MSH3: variants seen among roughly 807,000 people sequenced by gnomAD.
The protein encoded by MSH3 is DNA mismatch repair protein Msh3.
A neutral mutation model predicts 123.3 loss-of-function variants in MSH3; 106 were observed. The observed-to-expected ratio is 0.86, with a 90% CI of 0.73 to 1.01. MSH3 has a LOEUF of 1.01. Ranked by LOEUF, MSH3 falls within the 50% of genes least tolerant of loss-of-function variation. The probability of loss-of-function intolerance (pLI) is 0.00; values close to 1 mark genes in which losing one functional copy is unlikely to be tolerated. For missense variants in MSH3, 1,459 were observed against 1,347.6 expected (o/e 1.08, Z -1.29); for synonymous variants, 515 against 481.4 (o/e 1.07, Z -0.91).
rs751448831 is a variant in MSH3 at position 80,675,018 on chromosome 5, A to G, written c.1063A>G (p.Asn355Asp). The G allele has an allele frequency of 6.2e-7, 1 of 1,612,122 alleles. No homozygotes were observed. Among genetic ancestry groups the G allele is most frequent in the South Asian group, 1.1e-5 (1 of 91,030 alleles). Reference protein sequence around the residue: ...NPLIKLDDAVNVDEIMTDTST... With the variant: ...NPLIKLDDAVDVDEIMTDTST... ...CCTAATCAAGCTGGATGATGCTGTA[A>G]ATGTTGATGAGATAATGACTGATAC... is the stretch of plus-strand genomic sequence containing the variant. The change falls in exon 7 of 24, where the codon AAT becomes GAT. Residue 355 changes from asparagine (N) to aspartate (D), a missense_variant. By Grantham distance (23) the Asn-to-Asp change is conservative (BLOSUM62 1). Transcript: ENST00000265081.
At position 80,876,034 on chromosome 5, in the gene MSH3, C is replaced by T. The variant is rs1029654276; in HGVS notation, c.*172C>T. On this transcript the variant is annotated 3_prime_UTR_variant, in exon 24 of 24. Coordinates refer to ENST00000265081, the MANE Select transcript of MSH3 (RefSeq NM_002439.5). Reference sequence around the variant, plus strand: ...TCTGAAGACAGTCTTTTTCAAGTTTCTGTCTTCCTAACTTTTCTACGTATA... The same window carrying T: ...TCTGAAGACAGTCTTTTTCAAGTTTTTGTCTTCCTAACTTTTCTACGTATA... 2.9e-5 allele frequency: 18 copies of T among 610,508 alleles called. No homozygotes were observed. The highest frequency in any genetic ancestry group is 5.2e-5 in the Non-Finnish European group (18 of 344,108). 37.8% of individuals were successfully genotyped at this position (610,508 alleles called of 1,614,324 possible). A position where few individuals can be genotyped will look rare whatever the true frequency, so the allele number is the denominator to read the frequency against.
At chr5:80,836,171 C>G (rs949314642) in intron 20 of MSH3, among the ~76,000 whole-genome samples, 1 of 152,048 alleles carries the variant, frequency 6.6e-6, no homozygotes, top group Non-Finnish European at 1.5e-5. Context: ...AAATTTAAAT[C>G]CTTTTGCTCC....
chr5:80,774,222 T>C (rs1744261643), intron 15 of MSH3, among the ~76,000 whole-genome samples: 2 of 152,120 alleles, frequency 1.3e-5, no homozygotes, highest in South Asian at 4.1e-4. Context: ...TATAAATATA[T>C]TATGAATGTA....
In MSH3 at chr5:80,697,628, C is replaced by G. The variant is rs375471607; in HGVS notation, c.1340+18535C>G. On this transcript the variant is annotated intron_variant, in intron 8 of 23. Transcript: ENST00000265081. The stretch of plus-strand genomic sequence containing the variant: ...AAACATGTTGGAGCAATTGTAAAGG[C>G]AATGTGTGTCACATTTTCTGCCACT... Among the ~76,000 whole-genome samples, 8 of 152,046 alleles carry G rather than the reference C, an allele frequency of 5.3e-5. No individual in the cohort carries two copies. In the East Asian group the frequency reaches 1.2e-3, roughly 22 times the overall value.
intron 2 of MSH3, among the ~76,000 whole-genome samples, chr5:80,659,678 G>T (rs2112804940): frequency 6.6e-6 from 1 of 152,098 alleles, no homozygotes; most frequent in African/African-American, 2.4e-5. Context: ...TACAGCCCAG[G>T]GGTATTTAGT....
intron 10 of MSH3, among the ~76,000 whole-genome samples, chr5:80,731,085 G>T (rs926788173): frequency 6.6e-6 from 1 of 151,540 alleles, no homozygotes; most frequent in East Asian, 1.9e-4. Context: ...TGTATTTTTA[G>T]TAGAGACAGG....
intron 19 of MSH3, among the ~76,000 whole-genome samples, chr5:80,807,180 T>C (rs1744905783): frequency 1.0e-5 from 1 of 100,042 alleles, no homozygotes; most frequent in African/African-American, 4.1e-5. Context: ...GACAGAGCAA[T>C]ACCCTGTCTC....
chr5:80,667,301 T>C (rs946071413), intron 3 of MSH3, among the ~76,000 whole-genome samples: 11 of 152,182 alleles, frequency 7.2e-5, no homozygotes, highest in African/African-American at 2.4e-4. Flanking sequence ...TAATATAGAA[T>C]ACATACTATA....
At chr5:80,798,933 A>G (rs1744743923) in intron 19 of MSH3, among the ~76,000 whole-genome samples, 3 of 152,192 alleles carry the variant, frequency 2.0e-5, no homozygotes, top group South Asian at 2.1e-4. Flanking sequence ...ATCCCTTTCT[A>G]TTCAAGCACT....
chr5:80,801,002 CT>C (rs534630683), intron 19 of MSH3, among the ~76,000 whole-genome samples: 4 of 152,214 alleles, frequency 2.6e-5, no homozygotes, highest in African/African-American at 7.2e-5. Context: ...GTAGAAAGGC[CT>C]TAAGGCAGGA....
intron 20 of MSH3, among the ~76,000 whole-genome samples, chr5:80,837,492 C>T (rs894025737): frequency 5.0e-4 from 76 of 151,974 alleles, no homozygotes; most frequent in African/African-American, 1.8e-3. Flanking sequence ...GGTGGGAGTT[C>T]GCTTGAACCT....
chr5:80,736,374 GAAAA>G (rs1743507616), intron 10 of MSH3, among the ~76,000 whole-genome samples: 1 of 151,980 alleles, frequency 6.6e-6, no homozygotes, highest in Non-Finnish European at 1.5e-5. Context: ...GAAGTATAAA[GAAAA>G]AGATCAATTT....
At chr5:80,719,356 A>G (rs1278973696) in intron 8 of MSH3, among the ~76,000 whole-genome samples, 1 of 152,092 alleles carries the variant, frequency 6.6e-6, no homozygotes, top group Non-Finnish European at 1.5e-5. Flanking sequence ...AGGAAATGGT[A>G]TTTCTAAACC....
At chr5:80,805,734 A>G (rs1017533475) in intron 19 of MSH3, among the ~76,000 whole-genome samples, 1 of 151,764 alleles carries the variant, frequency 6.6e-6, no homozygotes, top group African/African-American at 2.4e-5. Flanking sequence ...AGCTGGAACT[A>G]CAGGCATGCG....
chr5:80,868,320 T>C lies in MSH3; in HGVS notation c.3130+3378T>C, dbSNP rs563181155. 2.0e-5 allele frequency among the ~76,000 whole-genome samples: 3 copies of C among 152,014 alleles called. No individual in the cohort carries two copies. In the South Asian group the frequency reaches 6.3e-4, roughly 32 times the overall value. On this transcript the variant is annotated intron_variant, in intron 22 of 23. Coordinates refer to ENST00000265081, the MANE Select transcript of MSH3 (RefSeq NM_002439.5). Reference sequence around the variant, plus strand: ...TGTGTCATAAAGACGCATGCACACGTATGTTCATTGCAGCACTATTCACAG... The same window carrying C: ...TGTGTCATAAAGACGCATGCACACGCATGTTCATTGCAGCACTATTCACAG...
At chr5:80,861,148 C>G (rs1246641024) in intron 21 of MSH3, among the ~76,000 whole-genome samples, 1 of 152,172 alleles carries the variant, frequency 6.6e-6, no homozygotes, top group Non-Finnish European at 1.5e-5. Context: ...ACATTCCTGC[C>G]ATAGCTATGT....
chr5:80,869,374 C>T (rs1746161997), intron 22 of MSH3, among the ~76,000 whole-genome samples: 1 of 152,148 alleles, frequency 6.6e-6, no homozygotes, highest in Non-Finnish European at 1.5e-5. Context: ...GTTACATCCT[C>T]ATCAAGAACT....
At chr5:80,658,256 GC>G (rs35086803) in intron 2 of MSH3, among the ~76,000 whole-genome samples, 38,835 of 151,608 alleles carry the variant, frequency 0.26, 5,105 homozygotes, top group Middle Eastern at 0.33. Context: ...TCAGAGTTTT[GC>G]CATGTTGGCT....
chr5:80,811,434 G>C (rs1165508355), intron 19 of MSH3, among the ~76,000 whole-genome samples: 1 of 151,956 alleles, frequency 6.6e-6, no homozygotes, highest in African/African-American at 2.4e-5. Context: ...GCTCTAAATG[G>C]TTTGTATAAC....
Sources: gnomAD v4.1 joint callset for allele counts (sites outside exome capture counted in the v4.1 genomes callset) on GRCh38, gnomAD v4.1.1 for gene constraint, MANE v1.5 for transcripts, NCBI Gene and HGNC (gene_info 2026-07-23, HGNC 2026-07-21) for gene names.